The following ADAMTS12 variants were observed in gnomAD, a reference collection of about 807,000 sequenced individuals.
ADAMTS12 encodes A disintegrin and metalloproteinase with thrombospondin motifs 12.
ADAMTS12 carries 118 observed loss-of-function variants against 167.8 expected under a neutral mutation model. That is an observed-to-expected ratio of 0.70 (90% CI 0.61 to 0.82). The LOEUF (loss-of-function observed/expected upper bound fraction) is 0.82, where lower values mean the gene tolerates loss of function less well. ADAMTS12 is among the 40% of genes least tolerant of loss of function. The pLI, the probability that ADAMTS12 is intolerant of heterozygous loss-of-function variation, is 0.00. For missense variants in ADAMTS12, 1,916 were observed against 1,998.8 expected (o/e 0.96, Z 0.79); for synonymous variants, 704 against 716.9 (o/e 0.98, Z 0.29).
rs935640535 is a variant in ADAMTS12, at chr5:33,545,053, A to G, written c.4446+1006T>C. ...GGAGCTTCTGCATGGCAAACAAAAC[A>G]CCATCAGAGTGAACAGGCAACCTAC... is the stretch of plus-strand genomic sequence containing the variant. On this transcript the variant is annotated intron_variant, in intron 22 of 23. Coordinates refer to ENST00000504830, the MANE Select transcript of ADAMTS12 (RefSeq NM_030955.4). Among the ~76,000 whole-genome samples the G allele has an allele frequency of 3.9e-5, 6 of 152,202 alleles. 1 individual carries two copies. Among genetic ancestry groups the G allele is most frequent in the African/African-American group, 1.4e-4 (6 of 41,458 alleles).
chr5:33,815,694 C>T (rs769202813), intron 2 of ADAMTS12, among the ~76,000 whole-genome samples: 2 of 152,162 alleles, frequency 1.3e-5, no homozygotes, highest in African/African-American at 2.4e-5. Context: ...ATCCTGGGGT[C>T]CTGGCAAATG....
At chr5:33,588,500 A>C in intron 18 of ADAMTS12, 99 bp downstream of exon 18, 1 of 1,468,134 alleles carries the variant, frequency 6.8e-7, no homozygotes, top group Non-Finnish European at 9.5e-7. Context: ...GCTATTTTGC[A>C]ATTTTACCTA....
chr5:33,556,183 G>T (rs779232301), intron 20 of ADAMTS12, among the ~76,000 whole-genome samples: 1 of 152,198 alleles, frequency 6.6e-6, no homozygotes, highest in Admixed American at 6.5e-5. Context: ...CATTTCAGGG[G>T]TGAGAAAACT....
intron 20 of ADAMTS12, among the ~76,000 whole-genome samples, chr5:33,556,769 CA>C (rs1745504077): frequency 6.6e-6 from 1 of 152,176 alleles, no homozygotes; most frequent in Admixed American, 6.5e-5. Flanking sequence ...CACTCATGCC[CA>C]GAGAGAAAGA....
chr5:33,645,991 G>T (rs12187134), intron 9 of ADAMTS12, among the ~76,000 whole-genome samples: 85,847 of 151,888 alleles, frequency 0.57, 24,916 homozygotes, highest in East Asian at 0.67. Flanking sequence ...GGATATAAAA[G>T]AATTTTTAAG....
At chr5:33,765,333 T>C (rs1433458842) in intron 2 of ADAMTS12, among the ~76,000 whole-genome samples, 3 of 152,196 alleles carry the variant, frequency 2.0e-5, no homozygotes, top group Non-Finnish European at 4.4e-5. Context: ...TTAGTAAATA[T>C]GCCACAATTA....
chr5:33,722,847 TCTAA>T (rs1182544301), intron 3 of ADAMTS12, among the ~76,000 whole-genome samples: 4 of 152,048 alleles, frequency 2.6e-5, no homozygotes, highest in African/African-American at 9.7e-5. Context: ...ACCACTGTAG[TCTAA>T]CTAAATTGGA....
At chr5:33,782,443 A>G (rs1746167885) in intron 2 of ADAMTS12, among the ~76,000 whole-genome samples, 1 of 152,156 alleles carries the variant, frequency 6.6e-6, no homozygotes, top group Non-Finnish European at 1.5e-5. Flanking sequence ...ACCAACATCA[A>G]TAATGACATT....
intron 19 of ADAMTS12, among the ~76,000 whole-genome samples, chr5:33,566,379 G>T (rs898676077): frequency 6.6e-6 from 1 of 152,106 alleles, no homozygotes; most frequent in Non-Finnish European, 1.5e-5. Flanking sequence ...TGGGAAGACT[G>T]CTTGAGCTCA....
intron 21 of ADAMTS12, among the ~76,000 whole-genome samples, chr5:33,547,330 T>C (rs1271001338): frequency 6.6e-6 from 1 of 152,144 alleles, no homozygotes; most frequent in African/African-American, 2.4e-5. Context: ...ATCCCCTGAA[T>C]TGGCCATTCT....
intron 22 of ADAMTS12, among the ~76,000 whole-genome samples, chr5:33,539,628 A>T (rs950789308): frequency 1.3e-5 from 2 of 152,208 alleles, no homozygotes; most frequent in Admixed American, 6.5e-5. Context: ...CTTTTAGCAG[A>T]CTTAGAGGTA....
intron 2 of ADAMTS12, among the ~76,000 whole-genome samples, chr5:33,876,982 C>G (rs1750251966): frequency 6.6e-6 from 1 of 152,030 alleles, no homozygotes; most frequent in Admixed American, 6.5e-5. Flanking sequence ...AAGTTTAACC[C>G]ATATTTGAGT....
intron 20 of ADAMTS12, among the ~76,000 whole-genome samples, chr5:33,549,947 T>C (rs1398310744): frequency 6.6e-6 from 1 of 152,242 alleles, no homozygotes; most frequent in Non-Finnish European, 1.5e-5. Flanking sequence ...CTGAATTAAC[T>C]ACTCAGTGGT....
At chr5:33,816,179 T>C (rs1747644875) in intron 2 of ADAMTS12, among the ~76,000 whole-genome samples, 1 of 120,948 alleles carries the variant, frequency 8.3e-6, no homozygotes, top group Non-Finnish European at 1.9e-5. Flanking sequence ...GATTTTTTTG[T>C]ATTATAAATG....
rs116686214 is a variant in ADAMTS12 at position 33,799,793 on chromosome 5, A to G, written c.490-48245T>C. Among the ~76,000 whole-genome samples the G allele has an allele frequency of 5.7e-3, 864 of 152,326 alleles. 13 individuals are homozygous for G. The highest frequency in any genetic ancestry group is 0.02 in the African/African-American group (825 of 41,584). On this transcript the variant is annotated intron_variant, in intron 2 of 23. Transcript: ENST00000504830. ...GGGCCAACAGCACTGAATCCAATCAAAGGCACAGGAAGGGGTCTCAGAGTG... is the reference window on the plus strand; with the variant it reads ...GGGCCAACAGCACTGAATCCAATCAGAGGCACAGGAAGGGGTCTCAGAGTG...
At chr5:33,798,899 T>C (rs942264866) in intron 2 of ADAMTS12, among the ~76,000 whole-genome samples, 2 of 152,192 alleles carry the variant, frequency 1.3e-5, no homozygotes, top group Non-Finnish European at 2.9e-5. Flanking sequence ...CTATAACAGA[T>C]AGCATCACCT....
chr5:33,823,113 AAAAAG>A (rs1747924457), intron 2 of ADAMTS12, among the ~76,000 whole-genome samples: 1 of 151,428 alleles, frequency 6.6e-6, no homozygotes, highest in African/African-American at 2.4e-5. Context: ...AAAAAGAAAG[AAAAAG>A]AAAAGAAATA....
At chr5:33,607,219 A>G (rs577459426) in intron 16 of ADAMTS12, among the ~76,000 whole-genome samples, 83 of 152,108 alleles carry the variant, frequency 5.5e-4, no homozygotes, top group African/African-American at 1.9e-3. Context: ...GACAGGCCCA[A>G]TGCAATGCAA....
chr5:33,567,262 T>G (rs2111915774), intron 19 of ADAMTS12, among the ~76,000 whole-genome samples: 1 of 152,358 alleles, frequency 6.6e-6, no homozygotes, highest in Admixed American at 6.5e-5. Context: ...CTAGGCTGTC[T>G]TATTCTCATG....
Sources: gnomAD v4.1 joint callset for allele counts (sites outside exome capture counted in the v4.1 genomes callset) on GRCh38, gnomAD v4.1.1 for gene constraint, MANE v1.5 for transcripts, NCBI Gene and HGNC (gene_info 2026-07-23, HGNC 2026-07-21) for gene names.